Variants in PTPRN2 observed in about 807,000 individuals in gnomAD.
PTPRN2 encodes receptor-type tyrosine-protein phosphatase N2.
Under a neutral mutation model 118.8 loss-of-function variants are expected in PTPRN2, and 74 were observed. The observed-to-expected ratio is 0.62, with a 90% CI of 0.52 to 0.76. The LOEUF (loss-of-function observed/expected upper bound fraction) is 0.76, where lower values mean the gene tolerates loss of function less well. Ranked by LOEUF, PTPRN2 falls within the 30% of genes least tolerant of loss-of-function variation. The pLI, the probability that PTPRN2 is intolerant of heterozygous loss-of-function variation, is 0.00. For synonymous variants in PTPRN2, 641 were observed against 608.0 expected (o/e 1.05, Z -0.80); for missense variants, 1,481 against 1,394.4 (o/e 1.06, Z -0.99).
chr7:158,003,094 CTG>C lies in PTPRN2; in HGVS notation c.1723+78202_1723+78203del, dbSNP rs996765744. Among the ~76,000 whole-genome samples the C allele has an allele frequency of 6.6e-6, 1 of 152,194 alleles. No homozygotes were observed. Among genetic ancestry groups the C allele is most frequent in the Non-Finnish European group, 1.5e-5 (1 of 68,034 alleles). ...GGGGAAGCCCTGAACCCTCATGTGACTGTACTTGGGGACAGGGCCTCTAAAGA... is the reference window on the plus strand; with the variant it reads ...GGGGAAGCCCTGAACCCTCATGTGACTACTTGGGGACAGGGCCTCTAAAGA... On this transcript the variant is annotated intron_variant, in intron 11 of 22. Coordinates refer to ENST00000389418, the MANE Select transcript of PTPRN2 (RefSeq NM_002847.5). This position sits in a 1 kb window ranked among gnomAD's most constrained non-coding sequence, Gnocchi z 5.0.
At chr7:157,982,972 G>C (rs13246365) in intron 11 of PTPRN2, among the ~76,000 whole-genome samples, 12 of 52,064 alleles carry the variant, frequency 2.3e-4, no homozygotes, top group Non-Finnish European at 4.2e-4. Flanking sequence ...AATGCAGAGT[G>C]CAGGGTCCCC....
chr7:157,740,769 C>T (rs1009913722), intron 12 of PTPRN2, among the ~76,000 whole-genome samples: 2 of 152,162 alleles, frequency 1.3e-5, no homozygotes, highest in African/African-American at 4.8e-5. Flanking sequence ...CAGCAAGCCT[C>T]GGAATCACCT....
At chr7:158,346,031 G>C (rs184681739) in intron 2 of PTPRN2, among the ~76,000 whole-genome samples, 45 of 152,334 alleles carry the variant, frequency 3.0e-4, no homozygotes, top group African/African-American at 1.1e-3. Flanking sequence ...TGAGATGTGG[G>C]TGGGGACACA....
intron 2 of PTPRN2, among the ~76,000 whole-genome samples, chr7:158,399,381 G>A (rs1192430093): frequency 2.0e-5 from 3 of 152,326 alleles, no homozygotes; most frequent in Non-Finnish European, 4.4e-5. Context: ...GCCAGGTGTG[G>A]TAGTGCACAC....
chr7:157,965,463 C>T (rs898695578), intron 11 of PTPRN2, among the ~76,000 whole-genome samples: 1 of 152,144 alleles, frequency 6.6e-6, no homozygotes, highest in African/African-American at 2.4e-5. Context: ...CCAGCTTACA[C>T]AGCTGAGGGG....
chr7:157,994,145 G>A (rs980150975), intron 11 of PTPRN2, among the ~76,000 whole-genome samples: 9 of 152,002 alleles, frequency 5.9e-5, no homozygotes, highest in African/African-American at 1.5e-4. Flanking sequence ...TTGACACAGC[G>A]ATACTTCACT....
chr7:158,486,069 T>C (rs572354925), intron 2 of PTPRN2, among the ~76,000 whole-genome samples: 1 of 152,374 alleles, frequency 6.6e-6, no homozygotes, highest in East Asian at 1.9e-4. Flanking sequence ...TTAAAATTAA[T>C]ACAAACACCA....
At chr7:158,300,577 T>TCCCGCAGCGCCTCGCCCGCCACCCAGA (rs1800821089) in intron 3 of PTPRN2, among the ~76,000 whole-genome samples, 1 of 151,812 alleles carries the variant, frequency 6.6e-6, no homozygotes, top group Non-Finnish European at 1.5e-5. Context: ...CGCCACCCAG[T>TCCCGCAGCGCCTCGCCCGCCACCCAGA]CCCGCAGCGC....
intron 1 of PTPRN2, among the ~76,000 whole-genome samples, chr7:158,585,147 A>G (rs1051387354): frequency 6.6e-6 from 1 of 152,232 alleles, no homozygotes; most frequent in Non-Finnish European, 1.5e-5. Context: ...ACAGGAGAGA[A>G]AGAAAAATAG....
chr7:157,850,543 C>T (rs918129140), intron 12 of PTPRN2, among the ~76,000 whole-genome samples: 2 of 152,212 alleles, frequency 1.3e-5, no homozygotes, highest in African/African-American at 4.8e-5. Context: ...CACAGACAGT[C>T]CTGCACCATC....
intron 12 of PTPRN2, among the ~76,000 whole-genome samples, chr7:157,696,890 C>A (rs574901612): frequency 2.6e-5 from 3 of 113,666 alleles, no homozygotes; most frequent in Admixed American, 9.1e-5. Flanking sequence ...GAGCCCTCAC[C>A]GTCTACCCAT....
intron 12 of PTPRN2, among the ~76,000 whole-genome samples, chr7:157,749,810 C>G (rs1330342621): frequency 1.3e-5 from 1 of 75,196 alleles, no homozygotes; most frequent in African/African-American, 5.7e-5. Flanking sequence ...CTGTGGGGTG[C>G]CTGGGTGATT....
Position 158,176,832 on chromosome 7 carries a change from C to T in PTPRN2, c.550-9541G>A, listed in dbSNP as rs914936749. On this transcript the variant is annotated intron_variant, in intron 5 of 22. Transcript: ENST00000389418. ...ACTTTTAAAAAACTCAAATGGACAT[C>T]GTGAATGTGGCATCCAACATGTGGA... 2.6e-5 allele frequency among the ~76,000 whole-genome samples: 4 copies of T among 152,228 alleles called. No individual in the cohort carries two copies. The East Asian group carries it at 5.8e-4, about 22-fold the overall frequency.
chr7:157,660,291 C>T (rs1267294359), intron 13 of PTPRN2, among the ~76,000 whole-genome samples: 1 of 152,126 alleles, frequency 6.6e-6, no homozygotes, highest in Non-Finnish European at 1.5e-5. Context: ...AAGCTAGTTC[C>T]ATGCCCATCC....
In PTPRN2 at chr7:157,932,368, C is replaced by T. The variant is rs1381433837; in HGVS notation, c.1724-33631G>A. ...TACCGACGTCATGTCTCTCTAGCCT[C>T]CTTCAATTTAGAAAATCCTTCAGTT... On this transcript the variant is annotated intron_variant, in intron 11 of 22. Coordinates refer to ENST00000389418, the MANE Select transcript of PTPRN2 (RefSeq NM_002847.5). 4.1e-5 allele frequency among the ~76,000 whole-genome samples: 6 copies of T among 146,906 alleles called. 1 individual carries two copies. The highest frequency in any genetic ancestry group is 1.5e-4 in the African/African-American group (6 of 40,632).
intron 12 of PTPRN2, among the ~76,000 whole-genome samples, chr7:157,706,943 C>T (rs1181956925): frequency 6.6e-6 from 1 of 151,358 alleles, no homozygotes; most frequent in Admixed American, 6.6e-5. Context: ...GACCCAGGTG[C>T]CTTCTGGATC....
At chr7:158,378,196 A>G (rs1339999428) in intron 2 of PTPRN2, among the ~76,000 whole-genome samples, 2 of 152,224 alleles carry the variant, frequency 1.3e-5, no homozygotes, top group Non-Finnish European at 2.9e-5. Flanking sequence ...AATAAAAGCT[A>G]TTGGCCTCAG....
chr7:157,776,980 T>TCTCCTCCTCCCTCTC (rs1803366555), intron 12 of PTPRN2, among the ~76,000 whole-genome samples: 2 of 43,860 alleles, frequency 4.6e-5, no homozygotes, highest in Admixed American at 2.4e-4. Flanking sequence ...ATCTTCTCCT[T>TCTCCTCCTCCCTCTC]CTCCTCCTCC....
chr7:157,797,135 C>T (rs987567962), intron 12 of PTPRN2, among the ~76,000 whole-genome samples: 3 of 152,230 alleles, frequency 2.0e-5, no homozygotes, highest in Non-Finnish European at 4.4e-5. Context: ...CTGTGTCATC[C>T]CGGATTTATC....
Sources: gnomAD v4.1 joint callset for allele counts (sites outside exome capture counted in the v4.1 genomes callset) on GRCh38, gnomAD v4.1.1 for gene constraint, Gnocchi (gnomAD v3.1) non-coding constraint, MANE v1.5 for transcripts, NCBI Gene and HGNC (gene_info 2026-07-23, HGNC 2026-07-21) for gene names.